The following PTPRD variants were observed in gnomAD, a reference collection of about 807,000 sequenced individuals.
PTPRD encodes the protein protein tyrosine phosphatase receptor type D.
In PTPRD, 34 loss-of-function variants were observed where a neutral mutation model predicts 214.5. That is an observed-to-expected ratio of 0.16 (90% CI 0.12 to 0.21). The LOEUF (loss-of-function observed/expected upper bound fraction) is 0.21, where lower values mean the gene tolerates loss of function less well. Ranked by LOEUF, PTPRD falls within the 10% of genes least tolerant of loss-of-function variation. The pLI, the probability that PTPRD is intolerant of heterozygous loss-of-function variation, is 1.00. For synonymous variants in PTPRD, 1,128 were observed against 845.7 expected (o/e 1.33, Z -5.79); for missense variants, 2,545 against 2,398.7 (o/e 1.06, Z -1.27).
At chr9:10,477,709 A>G (rs1202196149) in intron 2 of PTPRD, among the ~76,000 whole-genome samples, 1 of 152,174 alleles carries the variant, frequency 6.6e-6, no homozygotes, top group East Asian at 1.9e-4. Context: ...TATTCACAAT[A>G]GCAAAGACTT....
intron 9 of PTPRD, among the ~76,000 whole-genome samples, chr9:9,333,112 G>T (rs1245346021): frequency 6.6e-6 from 1 of 151,912 alleles, no homozygotes; most frequent in Non-Finnish European, 1.5e-5. Context: ...ATTTCTGGCT[G>T]CAGAGATACT....
At chr9:10,491,664 GA>G (rs989219401) in intron 2 of PTPRD, among the ~76,000 whole-genome samples, 3 of 150,494 alleles carry the variant, frequency 2.0e-5, no homozygotes, top group African/African-American at 7.3e-5. Flanking sequence ...TGCTTTTAGA[GA>G]AAAAAGTAGT....
intron 5 of PTPRD, among the ~76,000 whole-genome samples, chr9:9,772,856 T>A (rs2098763777): frequency 6.6e-6 from 1 of 152,168 alleles, no homozygotes; most frequent in Non-Finnish European, 1.5e-5. Flanking sequence ...TTTACTCAGT[T>A]ATTTCACTTC....
chr9:9,783,758 A>AT (rs2098887613), intron 5 of PTPRD, among the ~76,000 whole-genome samples: 1 of 148,630 alleles, frequency 6.7e-6, no homozygotes, highest in African/African-American at 2.5e-5. Context: ...CAATCAAGTG[A>AT]TTTTTCACCA....
At chr9:8,793,280 G>C (rs2096294122) in intron 11 of PTPRD, among the ~76,000 whole-genome samples, 1 of 149,186 alleles carries the variant, frequency 6.7e-6, no homozygotes, top group African/African-American at 2.6e-5. Context: ...GAATAAGCCA[G>C]CTACCATGTG....
At chr9:9,258,092 GAT>G (rs1347824009) in intron 9 of PTPRD, among the ~76,000 whole-genome samples, 1 of 108,684 alleles carries the variant, frequency 9.2e-6, no homozygotes, top group African/African-American at 3.2e-5. Context: ...AATGGATAGA[GAT>G]AGATAGATAG....
At chr9:8,701,799 A>G (rs1190983184) in intron 12 of PTPRD, among the ~76,000 whole-genome samples, 2 of 152,170 alleles carry the variant, frequency 1.3e-5, no homozygotes, top group African/African-American at 4.8e-5. Context: ...ATACTATCTC[A>G]GTTACTGCCA....
chr9:8,450,321 T>C (rs989319254), intron 33 of PTPRD, among the ~76,000 whole-genome samples: 1 of 152,136 alleles, frequency 6.6e-6, no homozygotes, highest in Non-Finnish European at 1.5e-5. Context: ...GTAGATGCCG[T>C]AGATTTTCCC....
chr9:8,643,182 T>C (rs931890793), intron 12 of PTPRD, among the ~76,000 whole-genome samples: 4 of 152,214 alleles, frequency 2.6e-5, no homozygotes, highest in Non-Finnish European at 5.9e-5. Context: ...AGAAGCATTA[T>C]ACTTTAGAAT....
chr9:9,367,096 G>T (rs941975119), intron 9 of PTPRD, among the ~76,000 whole-genome samples: 14 of 151,562 alleles, frequency 9.2e-5, no homozygotes, highest in African/African-American at 3.4e-4. Flanking sequence ...ATGAGTTTTT[G>T]ATTTATAAAT....
intron 22 of PTPRD, among the ~76,000 whole-genome samples, chr9:8,505,696 T>C (rs185266015): frequency 7.4e-5 from 11 of 148,858 alleles, no homozygotes; most frequent in Non-Finnish European, 1.6e-4. Context: ...AAACCATCCC[T>C]AGGGTGTTCT....
chr9:9,645,398 T>C (rs983625329), intron 7 of PTPRD, among the ~76,000 whole-genome samples: 1 of 151,564 alleles, frequency 6.6e-6, no homozygotes, highest in South Asian at 2.1e-4. Context: ...GGAAGACTAA[T>C]ATAAGTGTTG....
chr9:9,213,548 G>A (rs1450538266), intron 9 of PTPRD, among the ~76,000 whole-genome samples: 2 of 151,408 alleles, frequency 1.3e-5, no homozygotes, highest in Non-Finnish European at 2.9e-5. Context: ...TTTGATAATA[G>A]GCAACCATTG....
chr9:9,010,892 T>G (rs2154362177), intron 11 of PTPRD, among the ~76,000 whole-genome samples: 1 of 152,304 alleles, frequency 6.6e-6, no homozygotes, highest in South Asian at 2.1e-4. Context: ...TATTATCCGC[T>G]TATTGCACAA....
chr9:9,882,126 C>T (rs972757676), intron 5 of PTPRD, among the ~76,000 whole-genome samples: 1 of 152,090 alleles, frequency 6.6e-6, no homozygotes, highest in Non-Finnish European at 1.5e-5. Flanking sequence ...ACTCACACAA[C>T]TTTAATATTT....
At chr9:8,516,699 A>G (rs767653201) in intron 21 of PTPRD, among the ~76,000 whole-genome samples, 13 of 152,154 alleles carry the variant, frequency 8.5e-5, no homozygotes, top group Non-Finnish European at 1.6e-4. Flanking sequence ...AAAACAAGCC[A>G]ACAGCATGAT....
At chr9:9,734,001 T>A (rs2098247586) in intron 7 of PTPRD, among the ~76,000 whole-genome samples, 1 of 152,172 alleles carries the variant, frequency 6.6e-6, no homozygotes, top group African/African-American at 2.4e-5. Flanking sequence ...CTGTAATGCA[T>A]GTCCCAGGAA....
intron 11 of PTPRD, among the ~76,000 whole-genome samples, chr9:8,901,303 T>C (rs1278301602): frequency 2.0e-5 from 3 of 152,132 alleles, no homozygotes; most frequent in Non-Finnish European, 2.9e-5. Flanking sequence ...TGGGAAAAGT[T>C]CCAGAAGAGA....
intron 2 of PTPRD, among the ~76,000 whole-genome samples, chr9:10,413,210 C>T (rs60455057): frequency 0.037 from 5,643 of 151,856 alleles, 359 homozygotes; most frequent in African/African-American, 0.12. Flanking sequence ...CTAGAAAACC[C>T]CACAGTCTCA....
Sources: gnomAD v4.1 joint callset for allele counts (sites outside exome capture counted in the v4.1 genomes callset) on GRCh38, gnomAD v4.1.1 for gene constraint, MANE v1.5 for transcripts, NCBI Gene and HGNC (gene_info 2026-07-23, HGNC 2026-07-21) for gene names.